ADGRE3: variants seen among roughly 807,000 people sequenced by gnomAD.
ADGRE3 encodes the protein adhesion G protein-coupled receptor E3, also known as EGF-like module receptor 3.
ADGRE3 carries 88 observed loss-of-function variants against 80.1 expected under a neutral mutation model. The observed-to-expected ratio is 1.10, with a 90% CI of 0.93 to 1.31. The LOEUF (loss-of-function observed/expected upper bound fraction) is 1.31, where lower values mean the gene tolerates loss of function less well. Among genes scored for constraint, ADGRE3 ranks in the 40% most tolerant of loss-of-function variants. The pLI, the probability that ADGRE3 is intolerant of heterozygous loss-of-function variation, is 0.00. For missense variants in ADGRE3, 715 were observed against 776.5 expected, an observed-to-expected ratio of 0.92 and a Z score of 0.94; for synonymous variants, 281 against 294.8, an observed-to-expected ratio of 0.95 and a Z score of 0.48.
At chr19:14,645,928 T>C (rs191282339) in intron 8 of ADGRE3, among the ~76,000 whole-genome samples, 82 of 152,250 alleles carry the variant, frequency 5.4e-4, no homozygotes, top group African/African-American at 1.9e-3. Context: ...GCTATGATTG[T>C]GCAACTGCAC....
chr19:14,600,262 C>A, the ADGRE3 span: 1 of 1,510,172 alleles, frequency 6.6e-7, no homozygotes, highest in Non-Finnish European at 9.0e-7. Flanking sequence ...CCCTCCCTTC[C>A]CTGGATGGCA....
chr19:14,630,299 A>C (rs1232781518), intron 13 of ADGRE3, 92 bp from the exon 14 acceptor site: 6 of 1,039,230 alleles, frequency 5.8e-6, no homozygotes, highest in Non-Finnish European at 7.8e-6. Flanking sequence ...AGAACTCTGG[A>C]GCTAGACTAC....
At chr19:14,651,503 C>T (rs939661453) in intron 6 of ADGRE3, among the ~76,000 whole-genome samples, 1 of 152,164 alleles carries the variant, frequency 6.6e-6, no homozygotes, top group Non-Finnish European at 1.5e-5. Context: ...TCAGGGACAA[C>T]TCTATAGATG....
chr19:14,672,408 T>A (rs192422017), intron 1 of ADGRE3, among the ~76,000 whole-genome samples: 223 of 152,248 alleles, frequency 1.5e-3, no homozygotes, highest in African/African-American at 4.3e-3. Flanking sequence ...GGGTAAGTTG[T>A]TTAACTTCTC....
the ADGRE3 span, among the ~76,000 whole-genome samples, chr19:14,607,508 C>G: frequency 6.6e-6 from 1 of 150,466 alleles, no homozygotes; most frequent in Admixed American, 6.6e-5. Flanking sequence ...CGGCCAGGAG[C>G]TGGTTTTTAC....
At chr19:14,622,410 A>G (rs1001270753) in intron 15 of ADGRE3, among the ~76,000 whole-genome samples, 15 of 117,322 alleles carry the variant, frequency 1.3e-4, no homozygotes, top group Admixed American at 3.4e-4. Flanking sequence ...ATTAAGTGAT[A>G]TTTCTATAGC....
downstream of ADGRE3, among the ~76,000 whole-genome samples, chr19:14,618,333 G>A (rs375889715): frequency 8.9e-4 from 135 of 150,926 alleles, 1 homozygote; most frequent in South Asian, 0.025. Flanking sequence ...CAGGTGGATC[G>A]CTGCTTGAGG....
chr19:14,607,558 TTTA>T, the ADGRE3 span, among the ~76,000 whole-genome samples: 1 of 141,188 alleles, frequency 7.1e-6, no homozygotes, highest in Non-Finnish European at 1.5e-5. Flanking sequence ...TTATTATTTA[TTTA>T]TTTATTTATT....
chr19:14,631,194 A>C (rs1970872963), intron 13 of ADGRE3, among the ~76,000 whole-genome samples: 1 of 152,138 alleles, frequency 6.6e-6, no homozygotes, highest in African/African-American at 2.4e-5. Context: ...TTTGTTATTC[A>C]AACAGGAAGG....
downstream of ADGRE3, among the ~76,000 whole-genome samples, chr19:14,618,521 T>TCCAG (rs1404815874): frequency 6.6e-6 from 1 of 151,790 alleles, no homozygotes; most frequent in African/African-American, 2.4e-5. Flanking sequence ...ACCACTGCAC[T>TCCAG]CCAGCCTGGG....
chr19:14,668,693 A>G (rs758200652), intron 2 of ADGRE3, 109 bp downstream of exon 2: 1 of 783,912 alleles, frequency 1.3e-6, no homozygotes, highest in East Asian at 2.5e-5. Flanking sequence ...AAGCCTTCCC[A>G]AATATTGCTC....
intron 2 of ADGRE3, among the ~76,000 whole-genome samples, chr19:14,664,862 T>G (rs754755104): frequency 6.6e-6 from 1 of 152,092 alleles, no homozygotes; most frequent in Non-Finnish European, 1.5e-5. Context: ...ATAAGTCTCT[T>G]ATTACCCCAG....
In ADGRE3 at chr19:14,620,562, A is replaced by T. The variant is rs1209652623; in HGVS notation, c.1921-1091T>A. On this transcript the variant is annotated intron_variant, in intron 15 of 15. Coordinates refer to ENST00000253673, the MANE Select transcript of ADGRE3 (RefSeq NM_032571.5). ...TTATATATATATTATATATATATATATATATATTTTTTTTTTTTTTTTTTT... is the reference window on the plus strand; with the variant it reads ...TTATATATATATTATATATATATATTTATATATTTTTTTTTTTTTTTTTTT... 2.3e-3 allele frequency among the ~76,000 whole-genome samples: 50 copies of T among 22,062 alleles called. 4 individuals carry two copies. Among genetic ancestry groups the T allele is most frequent in the Admixed American group, 3.2e-3 (4 of 1,242 alleles). 14.5% of individuals were successfully genotyped at this position (22,062 alleles called of 152,430 possible).
intron 2 of ADGRE3, among the ~76,000 whole-genome samples, chr19:14,665,052 C>T (rs1972052660): frequency 6.8e-6 from 1 of 146,538 alleles, no homozygotes. Flanking sequence ...GTGGAGCAAC[C>T]TCATTTTTTT....
chr19:14,609,415 C>T, the ADGRE3 span, among the ~76,000 whole-genome samples: 3 of 152,244 alleles, frequency 2.0e-5, no homozygotes, highest in Non-Finnish European at 4.4e-5. Context: ...CCTACACACT[C>T]GAGTCCCTGA....
intron 5 of ADGRE3, among the ~76,000 whole-genome samples, chr19:14,657,639 A>G (rs1446071847): frequency 6.6e-6 from 1 of 151,894 alleles, no homozygotes; most frequent in Non-Finnish European, 1.5e-5. Flanking sequence ...TATATGCTCA[A>G]ATCCAATCCA....
chr19:14,666,767 A>C (rs1264081679), intron 2 of ADGRE3, among the ~76,000 whole-genome samples: 2 of 152,160 alleles, frequency 1.3e-5, no homozygotes, highest in Non-Finnish European at 2.9e-5. Context: ...CTGGGGGGAC[A>C]GGGAGAGGTG....
chr19:14,616,697 G>C (rs2075076842), downstream of ADGRE3, among the ~76,000 whole-genome samples: 1 of 151,716 alleles, frequency 6.6e-6, no homozygotes, highest in African/African-American at 2.4e-5. Flanking sequence ...TTCATCCTTT[G>C]GTGTGTTGCA....
intron 9 of ADGRE3, among the ~76,000 whole-genome samples, chr19:14,641,995 T>TA (rs1369310036): frequency 1.3e-5 from 2 of 151,978 alleles, no homozygotes; most frequent in Non-Finnish European, 2.9e-5. Context: ...TTTTTTCCCC[T>TA]AAAAAAAGTA....
Sources: gnomAD v4.1 joint callset for allele counts (sites outside exome capture counted in the v4.1 genomes callset) on GRCh38, gnomAD v4.1.1 for gene constraint, MANE v1.5 for transcripts, NCBI Gene and HGNC (gene_info 2026-07-23, HGNC 2026-07-21) for gene names.